DNASE1L1: variants seen among roughly 807,000 people sequenced by gnomAD.
DNASE1L1 encodes the protein deoxyribonuclease-1-like 1.
In DNASE1L1, 8 loss-of-function variants were observed where a neutral mutation model predicts 18.6. The observed-to-expected ratio is 0.43, with a 90% CI of 0.25 to 0.78. The LOEUF is 0.78. Among genes scored for constraint, DNASE1L1 ranks in the 30% least tolerant of loss-of-function variants. The probability of loss-of-function intolerance (pLI) is 0.23; values close to 1 mark genes in which losing one functional copy is unlikely to be tolerated. For missense variants in DNASE1L1, 214 were observed against 258.2 expected, an observed-to-expected ratio of 0.83 and a Z score of 1.17; for synonymous variants, 114 against 114.2, an observed-to-expected ratio of 1.00 and a Z score of 0.01.
In DNASE1L1 at chrX:154,402,231, A is replaced by T. The variant is rs2148147329; in HGVS notation, c.*476T>A. The T allele has an allele frequency of 8.0e-6, 1 of 125,452 alleles. No homozygotes were observed. Among genetic ancestry groups the T allele is most frequent in the South Asian group, 2.6e-4 (1 of 3,840 alleles). The allele number at this position is 125,452 out of a possible 1,213,427, so 10.3% of individuals were successfully genotyped here. On this transcript the variant is annotated 3_prime_UTR_variant, in exon 8 of 8. Transcript: ENST00000369807. ...TCCCGGTGTTTGCTGGTTTCAGGGA[A>T]GGAGTTTGATATAGCAGATTAACCA...
At chrX:154,411,408 G>A (rs2068280953), upstream of DNASE1L1, 3 of 199,859 alleles carry the variant, frequency 1.5e-5, no homozygotes, top group Non-Finnish European at 2.8e-5. Context: ...GCGAGCGCAG[G>A]AGGCTGCCAG....
At position 154,402,471 on chromosome X, in the gene DNASE1L1, C is replaced by T; in HGVS notation, c.*236G>A. 8.5e-6 allele frequency: 3 copies of T among 352,648 alleles called. No homozygotes were observed. The highest frequency in any genetic ancestry group is 1.5e-5 in the Non-Finnish European group (3 of 202,172). The allele number at this position is 352,648 out of a possible 1,213,427, so 29.1% of individuals were successfully genotyped here. On this transcript the variant is annotated 3_prime_UTR_variant, in exon 8 of 8. Coordinates refer to ENST00000369807, the MANE Select transcript of DNASE1L1 (RefSeq NM_001303620.2). The stretch of plus-strand genomic sequence containing the variant: ...CAACCCAGAGCCCACTTTGTCTCCA[C>T]TCCTGATACTACACTACCTGGCAGG...
intron 4 of DNASE1L1, 114 bp downstream of exon 4, chrX:154,404,714 C>G: frequency 1.5e-6 from 1 of 663,734 alleles, no homozygotes; most frequent in Non-Finnish European, 2.3e-6. Flanking sequence ...GCATGCAAAG[C>G]AGGTGAGGCT....
At chrX:154,405,994 C>T (rs1386466373) in intron 1 of DNASE1L1, among the ~76,000 whole-genome samples, 6 of 101,728 alleles carry the variant, frequency 5.9e-5, no homozygotes, top group South Asian at 4.6e-4. Context: ...TTTTTTGAGA[C>T]GGAGTCTCAC....
Position 154,403,268 on chromosome X carries a change from C to T in DNASE1L1, c.525+1G>A, listed in dbSNP as rs2068082139. On this transcript the variant is annotated splice_donor_variant, in intron 6 of 7. Transcript: ENST00000369807. LOFTEE classifies it high-confidence loss of function. ...CTCCTGTACAAACTGCCCAGGCCTA[C>T]CTTGCTCTGCCAGTGCTGGGAGACC... The T allele has an allele frequency of 8.3e-7, 1 of 1,209,066 alleles. No individual in the cohort carries two copies. The highest frequency in any genetic ancestry group is 1.1e-6 in the Non-Finnish European group (1 of 894,372).
At chrX:154,411,722 C>CCCGT, upstream of DNASE1L1, 1 of 676,188 alleles carries the variant, frequency 1.5e-6, no homozygotes. Context: ...GCGCCGCGCC[C>CCCGT]CCGTCCGTCC....
At chrX:154,405,340 C>G in intron 2 of DNASE1L1, 94 bp downstream of exon 2, 1 of 1,116,969 alleles carries the variant, frequency 9.0e-7, no homozygotes, top group Non-Finnish European at 1.2e-6. Context: ...TCTTCTTCTC[C>G]CCTCTTCTCT....
intron 1 of DNASE1L1, among the ~76,000 whole-genome samples, chrX:154,408,245 T>A (rs1018871563): frequency 8.9e-6 from 1 of 111,796 alleles, no homozygotes; most frequent in African/African-American, 3.3e-5. Context: ...CAAGCTAATT[T>A]TTAAAATTTG....
At position 154,409,195 on chromosome X, in the gene DNASE1L1, G is replaced by T. The variant is rs1301378562; in HGVS notation, c.-171C>A. The T allele has an allele frequency of 1.3e-5, 4 of 319,833 alleles. No homozygotes were observed. Among genetic ancestry groups the T allele is most frequent in the Non-Finnish European group, 2.5e-5 (4 of 159,633 alleles). 26.4% of individuals were successfully genotyped at this position (319,833 alleles called of 1,213,427 possible). On this transcript the variant is annotated 5_prime_UTR_variant, in exon 1 of 8. Coordinates refer to ENST00000369807, the MANE Select transcript of DNASE1L1 (RefSeq NM_001303620.2). ...AGAAGAGCAGCTCCTGCCTGAATAG[G>T]GCTAGGAGGGGAAAAAAAAGAGGAA...
Position 154,409,175 on chromosome X carries a change from A to G in DNASE1L1, c.-151T>C. The G allele has an allele frequency of 3.0e-6, 1 of 338,759 alleles. No homozygotes were observed. The highest frequency in any genetic ancestry group is 5.9e-6 in the Non-Finnish European group (1 of 168,348). 27.9% of individuals were successfully genotyped at this position (338,759 alleles called of 1,213,427 possible). On this transcript the variant is annotated 5_prime_UTR_variant, in exon 1 of 8. Coordinates refer to ENST00000369807, the MANE Select transcript of DNASE1L1 (RefSeq NM_001303620.2). ...TAAGTGGATCGCGATACCCCAGAAG[A>G]GCAGCTCCTGCCTGAATAGGGCTAG...
In DNASE1L1 at chrX:154,405,285, G is replaced by C. The variant is rs2068127369; in HGVS notation, c.135+149C>G. The C allele has an allele frequency of 5.1e-6, 5 of 982,525 alleles. No individual in the cohort carries two copies. The Admixed American group carries it at 9.6e-5, about 19-fold the overall frequency. The allele number at this position is 982,525 out of a possible 1,213,427, so 81.0% of individuals were successfully genotyped here. A position where few individuals can be genotyped will look rare whatever the true frequency, so the allele number is the denominator to read the frequency against. On this transcript the variant is annotated intron_variant, in intron 2 of 7. Transcript: ENST00000369807. ...CCTGTTTCACAGAGGAGGAGACTGA[G>C]GCCAGCAGCAGGCAAGCGCCTGCGC...
chrX:154,411,872 C>G (rs781941217), upstream of DNASE1L1: 3 of 1,203,571 alleles, frequency 2.5e-6, no homozygotes, highest in Non-Finnish European at 2.2e-6. Flanking sequence ...TGGCCGTTCC[C>G]CGCGGTGCCG....
Position 154,405,475 on chromosome X carries a change from C to G in DNASE1L1, c.94G>C (p.Ala32Pro). The change falls in exon 2 of 8, where the codon GCC becomes CCC. Residue 32 changes from alanine to proline, a missense_variant. Ala to Pro is a conservative substitution (Grantham distance 27). Coordinates refer to ENST00000369807, the MANE Select transcript of DNASE1L1 (RefSeq NM_001303620.2). ...ATCACCTGCTCCCTGGCCACCTTGG[C>G]CAGTGTCAGCCGCTGGGCATTGAAG... ...CAFNAQRLTLAKVAREQVMDT... is the reference protein window; with the variant it reads ...CAFNAQRLTLPKVAREQVMDT... The G allele has an allele frequency of 8.3e-7, 1 of 1,204,212 alleles. No individual in the cohort carries two copies. The highest frequency in any genetic ancestry group is 1.1e-6 in the Non-Finnish European group (1 of 889,848).
At chrX:154,410,027 T>C (rs782703500), upstream of DNASE1L1, 7 of 110,920 alleles carry the variant, frequency 6.3e-5, no homozygotes, top group Non-Finnish European at 1.3e-4. Flanking sequence ...GGATACGAGG[T>C]CAGGCGTTCA....
At chrX:154,412,057 G>A (rs1465488296), upstream of DNASE1L1, 5 of 1,209,447 alleles carry the variant, frequency 4.1e-6, no homozygotes, top group Non-Finnish European at 5.6e-6. Flanking sequence ...GGGCGAGCCC[G>A]GAGCGCCTGA....
In DNASE1L1 at chrX:154,402,182, C is replaced by T. The variant is rs1055896175; in HGVS notation, c.*525G>A. The T allele has an allele frequency of 2.5e-5, 3 of 122,130 alleles. No individual in the cohort carries two copies. Among genetic ancestry groups the T allele is most frequent in the Non-Finnish European group, 5.1e-5 (3 of 59,188 alleles). 10.1% of individuals were successfully genotyped at this position (122,130 alleles called of 1,213,427 possible). On this transcript the variant is annotated 3_prime_UTR_variant, in exon 8 of 8. Transcript: ENST00000369807. Reference sequence around the variant, plus strand: ...TAACAGGCCTGACTGCATTGTTCACCGGATTATAATGAGCCAAAATGTTTC... The same window carrying T: ...TAACAGGCCTGACTGCATTGTTCACTGGATTATAATGAGCCAAAATGTTTC...
chrX:154,411,763 G>A, upstream of DNASE1L1: 1 of 938,390 alleles, frequency 1.1e-6, no homozygotes, highest in Non-Finnish European at 1.5e-6. Flanking sequence ...CCAGTGTCTC[G>A]AGCGGTCGAG....
chrX:154,404,282 C>T (rs782144744), intron 4 of DNASE1L1, among the ~76,000 whole-genome samples: 3 of 108,780 alleles, frequency 2.8e-5, no homozygotes, highest in Non-Finnish European at 5.7e-5. Flanking sequence ...CCTCCCAAAG[C>T]GTTGGGATTA....
chrX:154,407,758 GC>G (rs1191262369), intron 1 of DNASE1L1, among the ~76,000 whole-genome samples: 23 of 89,356 alleles, frequency 2.6e-4, no homozygotes, highest in South Asian at 6.5e-4. Context: ...ACCGCGCCCG[GC>G]CCCCCCCCTT....
Sources: allele counts gnomAD v4.1 joint callset (sites outside exome capture counted in the v4.1 genomes callset), GRCh38; gene constraint gnomAD v4.1.1; transcripts MANE v1.5; gene names NCBI Gene and HGNC (gene_info 2026-07-23, HGNC 2026-07-21).